Variants in IPO11 observed in about 807,000 individuals in gnomAD.
IPO11 encodes importin-11.
Under a neutral mutation model 143.2 loss-of-function variants are expected in IPO11, and 66 were observed. The ratio of observed to expected loss-of-function variants is 0.46; its 90% CI spans 0.38 to 0.57. IPO11 has a LOEUF of 0.57. IPO11 is among the 20% of genes least tolerant of loss of function. IPO11 has a pLI of 0.00. For synonymous variants in IPO11, 385 were observed against 377.8 expected, an observed-to-expected ratio of 1.02 and a Z score of -0.22; for missense variants, 1,026 against 1,141.0, an observed-to-expected ratio of 0.90 and a Z score of 1.45.
chr5:62,433,079 C>T (rs953209556), intron 1 of IPO11, among the ~76,000 whole-genome samples: 1 of 151,322 alleles, frequency 6.6e-6, no homozygotes. Flanking sequence ...TAAATTATTT[C>T]ACTGTGGGAA....
intron 27 of IPO11, among the ~76,000 whole-genome samples, chr5:62,582,698 G>T (rs1364729480): frequency 6.6e-6 from 1 of 152,140 alleles, no homozygotes; most frequent in African/African-American, 2.4e-5. Flanking sequence ...GTCCCTAGGA[G>T]ATATTAGTGC....
In IPO11 at chr5:62,476,773, G is replaced by C; in HGVS notation, c.828+20G>C. On this transcript the variant is annotated intron_variant, in intron 9 of 29. Coordinates refer to ENST00000325324, the MANE Select transcript of IPO11 (RefSeq NM_016338.5). ...AAAGTGGTAAGTTTTTTAAAAACTT[G>C]TTTTCTCAAATATAATACACATATT... 7 of 1,495,396 alleles carry C rather than the reference G, an allele frequency of 4.7e-6. No individual in the cohort carries two copies. The highest frequency in any genetic ancestry group is 5.4e-6 in the Non-Finnish European group (6 of 1,114,080). 92.6% of individuals were successfully genotyped at this position (1,495,396 alleles called of 1,614,324 possible). A position where few individuals can be genotyped will look rare whatever the true frequency, so the allele number is the denominator to read the frequency against.
intron 1 of IPO11, among the ~76,000 whole-genome samples, chr5:62,428,151 A>T (rs1414048403): frequency 6.6e-6 from 1 of 151,630 alleles, no homozygotes; most frequent in Non-Finnish European, 1.5e-5. Flanking sequence ...TAATTTCTTG[A>T]TCTTTTTGGC....
intron 29 of IPO11, among the ~76,000 whole-genome samples, chr5:62,613,831 C>T (rs1561387800): frequency 6.6e-6 from 1 of 152,132 alleles, no homozygotes; most frequent in Admixed American, 6.5e-5. Flanking sequence ...TCATTTTCCC[C>T]ATCTGAGATC....
chr5:62,579,352 C>G, intron 27 of IPO11: 1 of 1,213,736 alleles, frequency 8.2e-7, no homozygotes, highest in Non-Finnish European at 1.2e-6. Context: ...AAAAAAAATT[C>G]ATTTGATGAA....
chr5:62,502,684 C>T (rs1176353928), intron 16 of IPO11, among the ~76,000 whole-genome samples: 1 of 152,180 alleles, frequency 6.6e-6, no homozygotes, highest in African/African-American at 2.4e-5. Context: ...TACTTATTTG[C>T]ATAAATGTTA....
At chr5:62,485,080 A>G (rs1580234026) in intron 11 of IPO11, among the ~76,000 whole-genome samples, 2 of 152,156 alleles carry the variant, frequency 1.3e-5, no homozygotes, top group East Asian at 3.8e-4. Flanking sequence ...TGATTACTGT[A>G]TTGAAATGAA....
chr5:62,610,283 TTTTG>T (rs1745880596), intron 29 of IPO11, among the ~76,000 whole-genome samples: 1 of 151,686 alleles, frequency 6.6e-6, no homozygotes, highest in Non-Finnish European at 1.5e-5. Context: ...ACTGAAATGA[TTTTG>T]TTTTTTTCTT....
At chr5:62,554,321 T>C (rs1450631815) in intron 26 of IPO11, among the ~76,000 whole-genome samples, 1 of 152,194 alleles carries the variant, frequency 6.6e-6, no homozygotes, top group Non-Finnish European at 1.5e-5. Flanking sequence ...TTGCCTATGT[T>C]TTTGAGGTTT....
intron 19 of IPO11, 88 bp from the exon 20 acceptor site, chr5:62,515,300 G>C (rs1186336688): frequency 1.3e-6 from 1 of 743,208 alleles, no homozygotes; most frequent in Non-Finnish European, 2.3e-6. Flanking sequence ...TGCTGTCTGG[G>C]ACTTAATAGT....
intron 29 of IPO11, among the ~76,000 whole-genome samples, chr5:62,609,729 A>G (rs1157033017): frequency 6.6e-6 from 1 of 152,186 alleles, no homozygotes; most frequent in Non-Finnish European, 1.5e-5. Flanking sequence ...GTTTGAGTTT[A>G]TGCTGGGTGA....
intron 29 of IPO11, among the ~76,000 whole-genome samples, chr5:62,612,385 A>G (rs1026754022): frequency 5.3e-5 from 8 of 152,228 alleles, no homozygotes; most frequent in Non-Finnish European, 8.8e-5. Context: ...TCAAAGAAGA[A>G]TATCCAAAAT....
chr5:62,492,914 A>T (rs189369382), intron 15 of IPO11, among the ~76,000 whole-genome samples: 94 of 152,252 alleles, frequency 6.2e-4, no homozygotes, highest in East Asian at 3.9e-3. Flanking sequence ...TTGGGAAAAA[A>T]AAAAGTGTTT....
In IPO11 at chr5:62,443,028, G is replaced by C; in HGVS notation, c.184G>C (p.Ala62Pro). The C allele has an allele frequency of 6.2e-7, 1 of 1,612,376 alleles. No individual in the cohort carries two copies. Among genetic ancestry groups the C allele is most frequent in the Non-Finnish European group, 8.5e-7 (1 of 1,179,152 alleles). Residue 62 changes from alanine to proline, a missense_variant, in exon 3 of 30, where the codon GCT becomes CCT. By Grantham distance (27) the Ala-to-Pro change is conservative (BLOSUM62 -1). Coordinates refer to ENST00000325324, the MANE Select transcript of IPO11 (RefSeq NM_016338.5). ...HTLDINVRWL[A>P]VLYFKHGIDR... ...TTTGGATATAAATGTAAGGTGGCTT[G>C]CTGTACTGTATTTTAAACATGGAAT...
At chr5:62,536,391 A>G in intron 22 of IPO11, among the ~76,000 whole-genome samples, 1 of 151,856 alleles carries the variant, frequency 6.6e-6, no homozygotes, top group East Asian at 1.9e-4. Flanking sequence ...ATGAGGTAGC[A>G]TTAAGCTTTG....
chr5:62,534,157 A>C (rs954099696), intron 22 of IPO11, among the ~76,000 whole-genome samples: 14 of 152,188 alleles, frequency 9.2e-5, no homozygotes, highest in Non-Finnish European at 1.0e-4. Context: ...GCAGAACCAG[A>C]GGCTGTAACT....
At chr5:62,598,436 C>T (rs1561380673) in intron 28 of IPO11, among the ~76,000 whole-genome samples, 2 of 1,758 alleles carry the variant, frequency 1.1e-3, no homozygotes, top group Non-Finnish European at 9.6e-4. Flanking sequence ...TTCTTTCTCT[C>T]TCTCTCTCTC....
chr5:62,583,259 C>T (rs1269020655), intron 27 of IPO11, among the ~76,000 whole-genome samples: 1 of 152,046 alleles, frequency 6.6e-6, no homozygotes, highest in Non-Finnish European at 1.5e-5. Flanking sequence ...AAAATTTAAA[C>T]AGTGCAGAAA....
At chr5:62,446,243 A>T (rs1463032292) in intron 3 of IPO11, among the ~76,000 whole-genome samples, 1 of 152,236 alleles carries the variant, frequency 6.6e-6, no homozygotes, top group Non-Finnish European at 1.5e-5. Flanking sequence ...TAATGCAAAG[A>T]CACCTGTGTA....
Sources: allele counts gnomAD v4.1 joint callset (sites outside exome capture counted in the v4.1 genomes callset), GRCh38; gene constraint gnomAD v4.1.1; transcripts MANE v1.5; gene names NCBI Gene and HGNC (gene_info 2026-07-23, HGNC 2026-07-21).